The following BNC2 variants were observed in gnomAD, a reference collection of about 807,000 sequenced individuals.
BNC2 encodes zinc finger protein basonuclin-2.
A neutral mutation model predicts 76.3 loss-of-function variants in BNC2; 20 were observed. The observed-to-expected ratio is 0.26, with a 90% CI of 0.18 to 0.38. The LOEUF is 0.38. BNC2 is among the 10% of genes least tolerant of loss of function. The probability of loss-of-function intolerance (pLI) is 1.00; values close to 1 mark genes in which losing one functional copy is unlikely to be tolerated. For missense variants in BNC2, 1,382 were observed against 1,399.8 expected, an observed-to-expected ratio of 0.99 and a Z score of 0.20; for synonymous variants, 582 against 514.8, an observed-to-expected ratio of 1.13 and a Z score of -1.77.
intron 3 of BNC2, among the ~76,000 whole-genome samples, chr9:16,617,098 T>C (rs1262958669): frequency 2.0e-5 from 3 of 152,174 alleles, no homozygotes; most frequent in Admixed American, 1.3e-4. Flanking sequence ...ATATAATGCA[T>C]TTGAGAACAC....
intron 2 of BNC2, among the ~76,000 whole-genome samples, chr9:16,736,302 C>G (rs746724121): frequency 6.6e-6 from 1 of 151,558 alleles, no homozygotes; most frequent in Non-Finnish European, 1.5e-5. Flanking sequence ...AAACTCAACA[C>G]TGCCTTTAGA....
chr9:16,540,699 G>A (rs926837891), intron 5 of BNC2, among the ~76,000 whole-genome samples: 2 of 152,108 alleles, frequency 1.3e-5, no homozygotes, highest in African/African-American at 2.4e-5. Flanking sequence ...TCAGTAAGTC[G>A]CTCTTTTGAC....
At chr9:16,632,819 T>C (rs1318074922) in intron 3 of BNC2, among the ~76,000 whole-genome samples, 2 of 152,164 alleles carry the variant, frequency 1.3e-5, no homozygotes, top group Non-Finnish European at 2.9e-5. Flanking sequence ...CCAACTTTTA[T>C]GCAAAAGTCT....
intron 1 of BNC2, among the ~76,000 whole-genome samples, chr9:16,800,623 T>C (rs963535347): frequency 3.9e-5 from 6 of 152,072 alleles, no homozygotes; most frequent in African/African-American, 1.2e-4. Flanking sequence ...GAGGAATTCA[T>C]AGAAAAAGTA....
chr9:16,789,604 C>T (rs1174995628), intron 1 of BNC2, among the ~76,000 whole-genome samples: 1 of 152,190 alleles, frequency 6.6e-6, no homozygotes, highest in Non-Finnish European at 1.5e-5. Flanking sequence ...GCTTCTCCCA[C>T]CTCTCATACA....
In BNC2 at chr9:16,415,678, A is replaced by G. The variant is rs1317708869; in HGVS notation, c.*3311T>C. On this transcript the variant is annotated 3_prime_UTR_variant, in exon 7 of 7. Transcript: ENST00000380672. ...ACTAGAATTCTAGTTAAGTCAAAAC[A>G]AGACACTCAGGCACACACTCAAGAA... 1 of 152,194 alleles carries G rather than the reference A, an allele frequency of 6.6e-6. No homozygotes were observed. 9.4% of individuals were successfully genotyped at this position (152,194 alleles called of 1,614,324 possible).
At chr9:16,569,169 T>C (rs1423504528) in intron 4 of BNC2, among the ~76,000 whole-genome samples, 1 of 151,910 alleles carries the variant, frequency 6.6e-6, no homozygotes, top group Non-Finnish European at 1.5e-5. Context: ...TAAACTCCAC[T>C]GAACCTCTAC....
intron 5 of BNC2, among the ~76,000 whole-genome samples, chr9:16,551,305 T>C (rs1017275314): frequency 6.6e-6 from 1 of 152,206 alleles, no homozygotes; most frequent in African/African-American, 2.4e-5. Context: ...ACTTCTACTT[T>C]CTATCCTTCC....
At chr9:16,507,134 TATCTA>T (rs781597918) in intron 5 of BNC2, among the ~76,000 whole-genome samples, 77 of 152,270 alleles carry the variant, frequency 5.1e-4, no homozygotes, top group Non-Finnish European at 1.1e-3. Context: ...CAGCACTTTA[TATCTA>T]GACATCTCAT....
intron 3 of BNC2, among the ~76,000 whole-genome samples, chr9:16,664,668 T>C (rs1331820850): frequency 1.4e-5 from 2 of 144,998 alleles, no homozygotes; most frequent in Non-Finnish European, 3.0e-5. Context: ...AAAATAAAAG[T>C]AGGGGCAATA....
At chr9:16,463,993 C>A (rs1821647370) in intron 5 of BNC2, among the ~76,000 whole-genome samples, 1 of 146,846 alleles carries the variant, frequency 6.8e-6, no homozygotes, top group South Asian at 2.1e-4. Context: ...CTACTTGAGG[C>A]TGAAACAAGA....
intron 1 of BNC2, among the ~76,000 whole-genome samples, chr9:16,757,945 T>TA (rs1441077732): frequency 3.9e-5 from 6 of 152,178 alleles, no homozygotes; most frequent in Admixed American, 6.5e-5. Flanking sequence ...ATGTCTACCC[T>TA]AAAAAATTAC....
chr9:16,792,353 A>C (rs1397680601), intron 1 of BNC2, among the ~76,000 whole-genome samples: 1 of 152,192 alleles, frequency 6.6e-6, no homozygotes, highest in Non-Finnish European at 1.5e-5. Context: ...CCGTAAGTGA[A>C]GTTCTTCAAA....
intron 1 of BNC2, among the ~76,000 whole-genome samples, chr9:16,853,499 C>T (rs1377117973): frequency 6.6e-6 from 1 of 151,938 alleles, no homozygotes; most frequent in Non-Finnish European, 1.5e-5. Context: ...CCATGTTCTA[C>T]AATTCCTGTG....
intron 3 of BNC2, among the ~76,000 whole-genome samples, chr9:16,639,918 T>C (rs757728208): frequency 1.3e-5 from 2 of 151,950 alleles, no homozygotes; most frequent in Non-Finnish European, 2.9e-5. Flanking sequence ...TGAGACCCTG[T>C]CTCATTAAAA....
At chr9:16,704,033 C>G (rs974235652) in intron 3 of BNC2, among the ~76,000 whole-genome samples, 1 of 152,152 alleles carries the variant, frequency 6.6e-6, no homozygotes, top group Non-Finnish European at 1.5e-5. Flanking sequence ...AAAATTCAAA[C>G]TATTATTAAT....
At chr9:16,573,620 C>A (rs1025837527) in intron 4 of BNC2, among the ~76,000 whole-genome samples, 1 of 152,138 alleles carries the variant, frequency 6.6e-6, no homozygotes, top group African/African-American at 2.4e-5. Context: ...TGTAGCGTCA[C>A]TTGACTGTAC....
At chr9:16,786,608 G>A (rs1370748116) in intron 1 of BNC2, among the ~76,000 whole-genome samples, 2 of 152,104 alleles carry the variant, frequency 1.3e-5, no homozygotes, top group Non-Finnish European at 2.9e-5. Flanking sequence ...ATATAATCAG[G>A]GTTCCATGAG....
At chr9:16,511,802 T>C (rs1293681355) in intron 5 of BNC2, among the ~76,000 whole-genome samples, 1 of 152,130 alleles carries the variant, frequency 6.6e-6, no homozygotes, top group African/African-American at 2.4e-5. Context: ...TAAGCAAAGG[T>C]ATTTTTTCAT....
Sources: gnomAD v4.1 joint callset for allele counts (sites outside exome capture counted in the v4.1 genomes callset) on GRCh38, gnomAD v4.1.1 for gene constraint, MANE v1.5 for transcripts, NCBI Gene and HGNC (gene_info 2026-07-23, HGNC 2026-07-21) for gene names.